Variants in RALYL observed in about 807,000 individuals in gnomAD.
RALYL encodes the protein RALY RNA binding protein like.
In RALYL, 29 loss-of-function variants were observed where a neutral mutation model predicts 35.1. The ratio of observed to expected loss-of-function variants is 0.83; its 90% CI spans 0.61 to 1.13. RALYL has a LOEUF of 1.13. RALYL is among the 50% of genes most tolerant of loss of function. RALYL has a pLI of 0.00. For synonymous variants in RALYL, 120 were observed against 127.6 expected, an observed-to-expected ratio of 0.94 and a Z score of 0.40; for missense variants, 359 against 360.4, an observed-to-expected ratio of 1.00 and a Z score of 0.03.
intron 1 of RALYL, among the ~76,000 whole-genome samples, chr8:84,338,377 C>T (rs906932149): frequency 2.0e-5 from 3 of 149,974 alleles, no homozygotes; most frequent in African/African-American, 7.4e-5. Flanking sequence ...AAGAATTGTC[C>T]GAAGAGAACT....
rs575574778 is a variant in RALYL, at chr8:84,628,627, T to C, written c.256+99050T>C. 9.9e-5 allele frequency among the ~76,000 whole-genome samples: 15 copies of C among 152,156 alleles called. No individual in the cohort carries two copies. In the East Asian group the frequency reaches 2.7e-3, roughly 28 times the overall value. ...TCACAGAAAATGGTAAGTAAAATCA[T>C]AACATTTTGTTGAGAAATATCGGGG... On this transcript the variant is annotated intron_variant, in intron 2 of 8. Coordinates refer to ENST00000521268, the MANE Select transcript of RALYL (RefSeq NM_173848.7).
intron 1 of RALYL, among the ~76,000 whole-genome samples, chr8:84,329,800 G>C (rs1158044647): frequency 6.6e-6 from 1 of 151,950 alleles, no homozygotes; most frequent in African/African-American, 2.4e-5. Context: ...GGTTTTAAAT[G>C]ACAGCCATAC....
chr8:84,224,956 CT>C (rs1823489039), intron 1 of RALYL, among the ~76,000 whole-genome samples: 1 of 152,084 alleles, frequency 6.6e-6, no homozygotes, highest in Non-Finnish European at 1.5e-5. Flanking sequence ...CACCCGGCCA[CT>C]TCATTAATAC....
Position 84,635,022 on chromosome 8 carries a change from T to TA in RALYL, c.256+105452dup, listed in dbSNP as rs546107188. On this transcript the variant is annotated intron_variant, in intron 2 of 8. Transcript: ENST00000521268. ...CCTGCTGTTTGCCAGATAATGGTGGTAAAAAAAGGTATTCAAGATAGTAAT... is the reference window on the plus strand; with the variant it reads ...CCTGCTGTTTGCCAGATAATGGTGGTAAAAAAAAGGTATTCAAGATAGTAAT... 3.2e-3 allele frequency among the ~76,000 whole-genome samples: 489 copies of TA among 151,754 alleles called. 2 individuals are homozygous for TA. The highest frequency in any genetic ancestry group is 3.9e-3 in the Non-Finnish European group (266 of 67,782).
intron 2 of RALYL, among the ~76,000 whole-genome samples, chr8:84,540,200 T>C (rs2135227914): frequency 6.6e-6 from 1 of 152,044 alleles, no homozygotes; most frequent in East Asian, 1.9e-4. Flanking sequence ...CGTACTCATT[T>C]CTTTCCTTGC....
chr8:84,840,290 GA>G (rs1286645897), intron 4 of RALYL, among the ~76,000 whole-genome samples: 1 of 152,176 alleles, frequency 6.6e-6, no homozygotes, highest in Non-Finnish European at 1.5e-5. Flanking sequence ...TGATGGAGCT[GA>G]AAACCAAGGC....
intron 1 of RALYL, among the ~76,000 whole-genome samples, chr8:84,242,378 A>C (rs1050632011): frequency 6.6e-5 from 10 of 152,302 alleles, no homozygotes; most frequent in South Asian, 6.2e-4. Context: ...TTGCTGTGTC[A>C]GATTGGTATT....
intron 1 of RALYL, among the ~76,000 whole-genome samples, chr8:84,245,003 C>A (rs1326554807): frequency 6.6e-6 from 1 of 152,118 alleles, no homozygotes; most frequent in Non-Finnish European, 1.5e-5. Flanking sequence ...GTTCTTAAGT[C>A]CTACAAGGGG....
At chr8:84,747,667 G>A (rs535788127) in intron 2 of RALYL, among the ~76,000 whole-genome samples, 82 of 151,852 alleles carry the variant, frequency 5.4e-4, no homozygotes, top group African/African-American at 1.9e-3. Flanking sequence ...AAACTAAAGC[G>A]ATTACACTAT....
intron 1 of RALYL, among the ~76,000 whole-genome samples, chr8:84,363,270 T>C (rs1204228265): frequency 6.6e-6 from 1 of 152,188 alleles, no homozygotes; most frequent in Admixed American, 6.6e-5. Context: ...GTTGGCCACC[T>C]GCAGAAAAAT....
At chr8:84,701,529 T>C (rs1840194495) in intron 2 of RALYL, among the ~76,000 whole-genome samples, 1 of 152,228 alleles carries the variant, frequency 6.6e-6, no homozygotes, top group Non-Finnish European at 1.5e-5. Flanking sequence ...ACGTTTTAAC[T>C]TGAAAACCAG....
chr8:84,497,755 C>A (rs1301748304), intron 1 of RALYL, among the ~76,000 whole-genome samples: 1 of 150,044 alleles, frequency 6.7e-6, no homozygotes, highest in Non-Finnish European at 1.5e-5. Flanking sequence ...GATTCTACTG[C>A]CTCAGCCTCC....
chr8:84,321,552 A>G (rs1244896407), intron 1 of RALYL, among the ~76,000 whole-genome samples: 1 of 152,132 alleles, frequency 6.6e-6, no homozygotes, highest in Non-Finnish European at 1.5e-5. Flanking sequence ...TAGGTTTTAC[A>G]TCCTGTGGAA....
intron 2 of RALYL, among the ~76,000 whole-genome samples, chr8:84,566,547 C>A (rs555968794): frequency 9.2e-5 from 14 of 151,458 alleles, no homozygotes; most frequent in African/African-American, 3.4e-4. Flanking sequence ...ACATTTTATT[C>A]ATTTACTACA....
chr8:84,900,088 A>G (rs1409294197), intron 8 of RALYL, among the ~76,000 whole-genome samples: 1 of 152,210 alleles, frequency 6.6e-6, no homozygotes, highest in Non-Finnish European at 1.5e-5. Context: ...ACAGCCTCTC[A>G]TGATGTTAAA....
chr8:84,240,388 T>C (rs988602434), intron 1 of RALYL, among the ~76,000 whole-genome samples: 1 of 152,214 alleles, frequency 6.6e-6, no homozygotes, highest in Non-Finnish European at 1.5e-5. Context: ...ATCTAGAATA[T>C]CGAAAGTCTG....
intron 1 of RALYL, among the ~76,000 whole-genome samples, chr8:84,276,443 AT>A (rs1245392500): frequency 1.3e-5 from 2 of 152,132 alleles, no homozygotes; most frequent in Non-Finnish European, 2.9e-5. Context: ...TTTACAAAAC[AT>A]TTTCTTCTAA....
chr8:84,526,558 C>T (rs1007164678), intron 1 of RALYL, among the ~76,000 whole-genome samples: 8 of 152,080 alleles, frequency 5.3e-5, no homozygotes, highest in African/African-American at 1.2e-4. Context: ...TGCCCAGCCT[C>T]GTGAAATTAT....
chr8:84,366,763 CAAAAAAAAAA>C (rs1166208925), intron 1 of RALYL, among the ~76,000 whole-genome samples: 12,691 of 56,802 alleles, frequency 0.22, 1,262 homozygotes, highest in African/African-American at 0.37. Flanking sequence ...ATTTTTGTCT[CAAAAAAAAAA>C]AAAAAAAAAA....
Sources: allele counts gnomAD v4.1 joint callset (sites outside exome capture counted in the v4.1 genomes callset), GRCh38; gene constraint gnomAD v4.1.1; transcripts MANE v1.5; gene names NCBI Gene and HGNC (gene_info 2026-07-23, HGNC 2026-07-21).